ZNRF1: variants seen among roughly 807,000 people sequenced by gnomAD.
The protein encoded by ZNRF1 is E3 ubiquitin-protein ligase ZNRF1.
A neutral mutation model predicts 18.4 loss-of-function variants in ZNRF1; 3 were observed. That is an observed-to-expected ratio of 0.16 (90% CI 0.07 to 0.42). ZNRF1 has a LOEUF of 0.42. Among genes scored for constraint, ZNRF1 ranks in the 10% least tolerant of loss-of-function variants. ZNRF1 has a pLI of 0.99. For synonymous variants in ZNRF1, 157 were observed against 144.2 expected, an observed-to-expected ratio of 1.09 and a Z score of -0.64; for missense variants, 310 against 329.8, an observed-to-expected ratio of 0.94 and a Z score of 0.47.
intron 1 of ZNRF1, among the ~76,000 whole-genome samples, chr16:75,030,833 CTTTTTTTTTTT>C (rs59468839): frequency 1.2e-4 from 11 of 91,380 alleles, no homozygotes; most frequent in Non-Finnish European, 1.6e-4. Flanking sequence ...CACTTTATTC[CTTTTTTTTTTT>C]TTTTTTTTTT....
intron 1 of ZNRF1, among the ~76,000 whole-genome samples, chr16:75,004,712 C>T (rs1216072333): frequency 2.0e-5 from 3 of 152,164 alleles, no homozygotes; most frequent in Non-Finnish European, 2.9e-5. Context: ...CTCTTGGGCT[C>T]AAGCCGTCTT....
chr16:75,045,478 A>AT (rs1339225987), intron 1 of ZNRF1, among the ~76,000 whole-genome samples: 1 of 151,272 alleles, frequency 6.6e-6, no homozygotes, highest in African/African-American at 2.4e-5. Context: ...TGGGTGCAAT[A>AT]TTTTTTTTTA....
At chr16:75,045,393 T>G (rs2035501938) in intron 1 of ZNRF1, among the ~76,000 whole-genome samples, 1 of 152,202 alleles carries the variant, frequency 6.6e-6, no homozygotes. Flanking sequence ...GTCATTACCT[T>G]AGGCATAGAG....
chr16:75,086,756 TC>T (rs778939505), intron 1 of ZNRF1, among the ~76,000 whole-genome samples: 1 of 152,152 alleles, frequency 6.6e-6, no homozygotes. Context: ...AAGGGCAAAG[TC>T]AAGGGGCACG....
At chr16:75,016,021 T>C (rs1012866123) in intron 1 of ZNRF1, among the ~76,000 whole-genome samples, 3 of 142,056 alleles carry the variant, frequency 2.1e-5, no homozygotes, top group African/African-American at 7.9e-5. Context: ...CCCGGGTTCA[T>C]ACCATTCTCC....
intron 1 of ZNRF1, among the ~76,000 whole-genome samples, chr16:75,019,023 G>A (rs1168364358): frequency 3.3e-5 from 5 of 151,974 alleles, no homozygotes; most frequent in African/African-American, 4.8e-5. Context: ...AAAGTTAGCC[G>A]GGCGTGGTGG....
chr16:75,035,836 A>G (rs1341144649), intron 1 of ZNRF1, among the ~76,000 whole-genome samples: 1 of 152,176 alleles, frequency 6.6e-6, no homozygotes, highest in Non-Finnish European at 1.5e-5. Flanking sequence ...TTCCTTTACC[A>G]GCTAAGTGTT....
At chr16:75,085,758 T>C (rs1327253734) in intron 1 of ZNRF1, among the ~76,000 whole-genome samples, 2 of 149,256 alleles carry the variant, frequency 1.3e-5, no homozygotes, top group Non-Finnish European at 3.0e-5. Flanking sequence ...GATTTATTGG[T>C]CAGTGTTTTC....
chr16:75,012,275 C>T (rs144652099), intron 1 of ZNRF1, among the ~76,000 whole-genome samples: 6 of 152,254 alleles, frequency 3.9e-5, no homozygotes, highest in African/African-American at 1.4e-4. Context: ...ATTAAAACAC[C>T]GTTGTAGTGT....
At chr16:75,055,089 T>A (rs1479820253) in intron 1 of ZNRF1, among the ~76,000 whole-genome samples, 1 of 152,170 alleles carries the variant, frequency 6.6e-6, no homozygotes, top group Non-Finnish European at 1.5e-5. Flanking sequence ...TGTAAAGAGA[T>A]GGCTTTCCTC....
At chr16:75,032,127 T>G (rs1258454415) in intron 1 of ZNRF1, among the ~76,000 whole-genome samples, 3 of 137,976 alleles carry the variant, frequency 2.2e-5, no homozygotes, top group Non-Finnish European at 4.6e-5. Context: ...TTTTTTTTTT[T>G]GATACGGAGT....
chr16:75,062,519 C>T (rs535887910), intron 1 of ZNRF1, among the ~76,000 whole-genome samples: 1 of 152,236 alleles, frequency 6.6e-6, no homozygotes, highest in Non-Finnish European at 1.5e-5. Flanking sequence ...GCAGCTTTGG[C>T]CGCATGCCCC....
At chr16:75,082,218 A>T (rs572184358) in intron 1 of ZNRF1, among the ~76,000 whole-genome samples, 1 of 152,042 alleles carries the variant, frequency 6.6e-6, no homozygotes, top group African/African-American at 2.4e-5. Context: ...GACTCAGGTC[A>T]TTGGACCATC....
At chr16:75,062,213 C>T (rs956678315) in intron 1 of ZNRF1, among the ~76,000 whole-genome samples, 12 of 152,204 alleles carry the variant, frequency 7.9e-5, no homozygotes, top group Admixed American at 2.0e-4. Context: ...GAACCTTCTG[C>T]GTTCAAGAGC....
chr16:75,028,189 C>T (rs544863721), intron 1 of ZNRF1, among the ~76,000 whole-genome samples: 1 of 152,236 alleles, frequency 6.6e-6, no homozygotes, highest in Non-Finnish European at 1.5e-5. Context: ...TTCCTATTGG[C>T]ATACTAACTG....
chr16:75,015,950 T>C (rs1371992953), intron 1 of ZNRF1, among the ~76,000 whole-genome samples: 2 of 150,668 alleles, frequency 1.3e-5, no homozygotes, highest in East Asian at 1.9e-4. Context: ...GACGGAGTGT[T>C]GCTCTGTCCA....
At chr16:75,051,496 A>G (rs1597881706) in intron 1 of ZNRF1, among the ~76,000 whole-genome samples, 1 of 151,150 alleles carries the variant, frequency 6.6e-6, no homozygotes, top group Non-Finnish European at 1.5e-5. Flanking sequence ...GGCATGAGCC[A>G]CCGCATCCAG....
At chr16:75,088,716 T>C (rs1225407238) in intron 1 of ZNRF1, among the ~76,000 whole-genome samples, 1 of 152,226 alleles carries the variant, frequency 6.6e-6, no homozygotes, top group Non-Finnish European at 1.5e-5. Flanking sequence ...CTTCTGAGCC[T>C]TGATGTCCTC....
intron 1 of ZNRF1, among the ~76,000 whole-genome samples, chr16:75,027,219 T>C (rs1335314401): frequency 6.6e-6 from 1 of 151,916 alleles, no homozygotes; most frequent in Non-Finnish European, 1.5e-5. Context: ...TGCAATGAGC[T>C]GTGATCACAC....
Sources: allele counts gnomAD v4.1 joint callset (sites outside exome capture counted in the v4.1 genomes callset), GRCh38; gene constraint gnomAD v4.1.1; transcripts MANE v1.5; gene names NCBI Gene and HGNC (gene_info 2026-07-23, HGNC 2026-07-21).